Variants in PCNT observed in about 807,000 individuals in gnomAD.
PCNT encodes pericentrin.
In PCNT, 319 loss-of-function variants were observed where a neutral mutation model predicts 380.4. The observed-to-expected ratio is 0.84, with a 90% CI of 0.77 to 0.92. The LOEUF (loss-of-function observed/expected upper bound fraction) is 0.92, where lower values mean the gene tolerates loss of function less well. PCNT is among the 40% of genes least tolerant of loss of function. The pLI is 0.00. For synonymous variants in PCNT, 1,845 were observed against 1,735.2 expected, an observed-to-expected ratio of 1.06 and a Z score of -1.57; for missense variants, 4,400 against 4,255.3, an observed-to-expected ratio of 1.03 and a Z score of -0.95.
At chr21:46,372,818 C>T (rs1233437273) in intron 15 of PCNT, among the ~76,000 whole-genome samples, 1 of 152,162 alleles carries the variant, frequency 6.6e-6, no homozygotes, top group African/African-American at 2.4e-5. Context: ...AGTCCTGAGG[C>T]ACAGCCCTGA....
chr21:46,425,706 C>G lies in PCNT; in HGVS notation c.7180-125C>G, dbSNP rs1049048411. ...CCGCCTGTACGAAGCCGAGGCGGTG[C>G]CCTCCCTCTCCACAGCTGCCCGCCC... On this transcript the variant is annotated intron_variant, in intron 32 of 46. Transcript: ENST00000359568. This position sits in a 1 kb window ranked among gnomAD's most constrained non-coding sequence, Gnocchi z 4.2. 4 of 1,373,786 alleles carry G rather than the reference C, an allele frequency of 2.9e-6. No homozygotes were observed. The African/African-American group carries it at 5.7e-5, about 20-fold the overall frequency. The allele number at this position is 1,373,786 out of a possible 1,614,324, so 85.1% of individuals were successfully genotyped here.
rs145095275 is a variant in PCNT at position 46,401,627 on chromosome 21, G to C, written c.4868G>C (p.Gly1623Ala). 5.6e-6 allele frequency: 9 copies of C among 1,613,894 alleles called. No individual in the cohort carries two copies. Among genetic ancestry groups the C allele is most frequent in the Non-Finnish European group, 7.6e-6 (9 of 1,179,900 alleles). The change falls in exon 26 of 47, where the codon GGC (glycine) becomes GCC (alanine). Residue 1623 changes from glycine to alanine, a missense_variant. By Grantham distance (60) the Gly-to-Ala change is moderately conservative. Coordinates refer to ENST00000359568, the MANE Select transcript of PCNT (RefSeq NM_006031.6). Reference sequence around the variant, plus strand: ...ACGTTGCAGTCTACACTAGATGCAGGCAGATGTCCCGAGCCTCCTTCGGGC... The same window carrying C: ...ACGTTGCAGTCTACACTAGATGCAGCCAGATGTCCCGAGCCTCCTTCGGGC... ...ASTLQSTLDA[G>A]RCPEPPSGSP...
At chr21:46,414,260 G>A (rs1467700950) in intron 29 of PCNT, among the ~76,000 whole-genome samples, 2 of 152,084 alleles carry the variant, frequency 1.3e-5, no homozygotes, top group South Asian at 4.1e-4. Context: ...CCGAAGTGCT[G>A]GGATTACAGG....
intron 15 of PCNT, among the ~76,000 whole-genome samples, chr21:46,374,989 A>C (rs1477887609): frequency 6.6e-6 from 1 of 152,180 alleles, no homozygotes; most frequent in East Asian, 1.9e-4. Flanking sequence ...ATATCTTTGC[A>C]CCTGTTGGAA....
intron 15 of PCNT, among the ~76,000 whole-genome samples, chr21:46,379,938 G>A (rs1037926781): frequency 1.3e-5 from 2 of 152,102 alleles, no homozygotes; most frequent in Non-Finnish European, 2.9e-5. Context: ...CCTTTCCAGC[G>A]TGGGCACAGC....
At chr21:46,389,662 C>T (rs763329651) in intron 19 of PCNT, among the ~76,000 whole-genome samples, 1 of 152,242 alleles carries the variant, frequency 6.6e-6, no homozygotes, top group South Asian at 2.1e-4. Flanking sequence ...TGCACTGTTG[C>T]AATTCCATGT....
Position 46,363,746 on chromosome 21 carries a change from C to T in PCNT, c.2421C>T (p.Ile807=), listed in dbSNP as rs1372496310. Residue 807 remains isoleucine (I), a synonymous_variant, in exon 14 of 47, where the codon ATC becomes ATT. Coordinates refer to ENST00000359568, the MANE Select transcript of PCNT (RefSeq NM_006031.6). Reference sequence around the variant, plus strand: ...TTCAGGACCAACAGGCAGCCCAGATCCTGGATCTGGAGAGGTCCTTGACGG... The same window carrying T: ...TTCAGGACCAACAGGCAGCCCAGATTCTGGATCTGGAGAGGTCCTTGACGG... ...RQLQDQQAAQ[I]LDLERSLTEQ... is the part of the protein sequence containing the mutation. The T allele has an allele frequency of 6.2e-7, 1 of 1,614,098 alleles. No individual in the cohort carries two copies. Among genetic ancestry groups the T allele is most frequent in the African/African-American group, 1.3e-5 (1 of 74,942 alleles).
rs1189857776 is a variant in PCNT at position 46,363,841 on chromosome 21, G to A, written c.2516G>A (p.Cys839Tyr). Residue 839 changes from cysteine to tyrosine, a missense_variant, in exon 14 of 47, where the codon TGT (cysteine) becomes TAT (tyrosine). Cys to Tyr is a radical substitution (Grantham distance 194). Transcript: ENST00000359568. ...TSDDALHCSQ[C>Y]GREPPTAQDG... ...GACGACGCCCTGCATTGCAGCCAGT[G>A]TGGGCGGGAGCCGCCCACAGCCCAG... 1.5e-5 allele frequency: 24 copies of A among 1,612,032 alleles called. No individual in the cohort carries two copies. Among genetic ancestry groups the A allele is most frequent in the Non-Finnish European group, 2.0e-5 (24 of 1,179,176 alleles).
chr21:46,424,098 C>T (rs1243895153), intron 32 of PCNT, among the ~76,000 whole-genome samples: 3 of 152,118 alleles, frequency 2.0e-5, no homozygotes, highest in African/African-American at 2.4e-5. Flanking sequence ...TGGCTCCAGG[C>T]GCGTGGGGGA....
At chr21:46,441,690 CT>C (rs1373113550) in intron 43 of PCNT, among the ~76,000 whole-genome samples, 2 of 152,186 alleles carry the variant, frequency 1.3e-5, no homozygotes, top group Non-Finnish European at 2.9e-5. Flanking sequence ...ACCCACCCAT[CT>C]GTCCATCCTG....
At position 46,412,825 on chromosome 21, in the gene PCNT, T is replaced by C; in HGVS notation, c.5995-12T>C. 1 of 1,609,966 alleles carries C rather than the reference T, an allele frequency of 6.2e-7. No homozygotes were observed. Among genetic ancestry groups the C allele is most frequent in the Non-Finnish European group, 8.5e-7 (1 of 1,179,954 alleles). On this transcript the variant is annotated splice_polypyrimidine_tract_variant and intron_variant, in intron 28 of 46. Coordinates refer to ENST00000359568, the MANE Select transcript of PCNT (RefSeq NM_006031.6). ...CCTGCATGCTCAGCTTTCCTCTGTC[T>C]CCTCTGTCAAGGGTGATCTGCAGCC... is the stretch of plus-strand genomic sequence containing the variant.
intron 19 of PCNT, among the ~76,000 whole-genome samples, chr21:46,390,420 G>C (rs1391659394): frequency 6.6e-6 from 1 of 152,210 alleles, no homozygotes; most frequent in East Asian, 1.9e-4. Context: ...GTTGCCAGGG[G>C]AGTGTCTGGA....
At chr21:46,327,130 G>C (rs1049943139) in intron 2 of PCNT, among the ~76,000 whole-genome samples, 3 of 148,938 alleles carry the variant, frequency 2.0e-5, no homozygotes, top group African/African-American at 7.4e-5. Flanking sequence ...GCGCGATCTC[G>C]GCTCACTGCA....
At position 46,431,695 on chromosome 21, in the gene PCNT, A is replaced by G. The variant is rs142543426; in HGVS notation, c.8231A>G (p.Gln2744Arg). ...GAGCGGAGCCAGCTCTCTGAGCTCC[A>G]GAAGGACCTTGCGGCTGAGAAGAGC... is the stretch of plus-strand genomic sequence containing the variant. ...AQERSQLSEL[Q>R]KDLAAEKSRT... Residue 2744 changes from glutamine (Q) to arginine (R), a missense_variant, in exon 38 of 47, where the codon CAG becomes CGG. Gln to Arg is a conservative substitution (Grantham distance 43). Transcript: ENST00000359568. 1 of 1,612,730 alleles carries G rather than the reference A, an allele frequency of 6.2e-7. No individual in the cohort carries two copies.
Position 46,437,079 on chromosome 21 carries a change from C to G in PCNT, c.9097C>G (p.Gln3033Glu), listed in dbSNP as rs2053479259. 6.2e-7 allele frequency: 1 copy of G among 1,612,032 alleles called. No homozygotes were observed. Among genetic ancestry groups the G allele is most frequent in the Non-Finnish European group, 8.5e-7 (1 of 1,178,364 alleles). The change falls in exon 40 of 47, where the codon CAG becomes GAG. Residue 3033 changes from glutamine (Q) to glutamate (E), a missense_variant and splice_region_variant. Transcript: ENST00000359568. ...KSDLSRPTSS[Q>E]KKMAAELQFQ... ...TGACTTGAGCAGGCCCACCTCCTCC[C>G]AGGTAAGGGGTGAGCGCCCCCAGGT... is the stretch of plus-strand genomic sequence containing the variant.
chr21:46,421,450 C>CTGTGCAT (rs11281429), intron 31 of PCNT, among the ~76,000 whole-genome samples: 26,743 of 152,028 alleles, frequency 0.18, 4,310 homozygotes, highest in African/African-American at 0.43. Flanking sequence ...GACCAGGGCC[C>CTGTGCAT]TGGGAGGTTT....
At chr21:46,426,069 CTTTT>C (rs760416456) in intron 33 of PCNT, 98 bp downstream of exon 33, 851 of 304,336 alleles carry the variant, frequency 2.8e-3, no homozygotes, top group African/African-American at 5.1e-3. Context: ...GGATTTCTTT[CTTTT>C]TTTTTTTTTT....
chr21:46,430,041 G>A lies in PCNT; in HGVS notation c.7722G>A (p.Glu2574=), dbSNP rs1445977895. The part of the protein sequence containing the change: ...VELLAYKVEQ[E]KCIAGDLQKT... The stretch of plus-strand genomic sequence containing the variant: ...TGCTGGCTTATAAAGTAGAGCAGGA[G>A]AAGTGCATTGCTGGTGACTTGCAGA... The change falls in exon 36 of 47, where the codon GAG becomes GAA. Residue 2574 remains glutamate, a synonymous_variant. Coordinates refer to ENST00000359568, the MANE Select transcript of PCNT (RefSeq NM_006031.6). 1 of 1,614,220 alleles carries A rather than the reference G, an allele frequency of 6.2e-7. No individual in the cohort carries two copies. The highest frequency in any genetic ancestry group is 2.2e-5 in the East Asian group (1 of 44,888).
At chr21:46,327,003 ACT>A (rs1029342352) in intron 2 of PCNT, among the ~76,000 whole-genome samples, 4 of 147,096 alleles carry the variant, frequency 2.7e-5, no homozygotes, top group Admixed American at 6.8e-5. Context: ...ACAGAGCGAG[ACT>A]CTCTCTCAAA....
Sources: gnomAD v4.1 joint callset for allele counts (sites outside exome capture counted in the v4.1 genomes callset) on GRCh38, gnomAD v4.1.1 for gene constraint, Gnocchi (gnomAD v3.1) non-coding constraint, MANE v1.5 for transcripts, NCBI Gene and HGNC (gene_info 2026-07-23, HGNC 2026-07-21) for gene names.